AP3S1: variants seen among roughly 807,000 people sequenced by gnomAD.
AP3S1 encodes AP-3 complex subunit sigma-1.
In AP3S1, 12 loss-of-function variants were observed where a neutral mutation model predicts 21.3. The ratio of observed to expected loss-of-function variants is 0.56; its 90% confidence interval spans 0.36 to 0.91. The LOEUF (loss-of-function observed/expected upper bound fraction) is 0.91. Ranked by LOEUF, AP3S1 falls within the 40% of genes least tolerant of loss-of-function variation. AP3S1 has a pLI of 0.01. For synonymous variants in AP3S1, 48 were observed against 78.4 expected, an observed-to-expected ratio of 0.61 and a Z score of 2.05; for missense variants, 116 against 225.0, an observed-to-expected ratio of 0.52 and a Z score of 3.10.
chr5:115,880,352 C>G (rs1749166635), intron 3 of AP3S1, among the ~76,000 whole-genome samples: 1 of 152,124 alleles, frequency 6.6e-6, no homozygotes, highest in Non-Finnish European at 1.5e-5. Context: ...TATGAATTTC[C>G]ACTGAAACAC....
intron 3 of AP3S1, among the ~76,000 whole-genome samples, chr5:115,872,474 T>G (rs1041647860): frequency 1.3e-5 from 2 of 152,100 alleles, no homozygotes; most frequent in African/African-American, 2.4e-5. Context: ...TTCTTCTTTG[T>G]TTTGAAGATT....
intron 2 of AP3S1, among the ~76,000 whole-genome samples, chr5:115,867,054 T>C (rs2112829667): frequency 6.6e-6 from 1 of 152,242 alleles, no homozygotes; most frequent in East Asian, 1.9e-4. Flanking sequence ...CTCTCAACCT[T>C]AGTCCTTCTA....
chr5:115,860,263 C>T (rs1763079062), intron 1 of AP3S1, among the ~76,000 whole-genome samples: 1 of 152,240 alleles, frequency 6.6e-6, no homozygotes, highest in Non-Finnish European at 1.5e-5. Context: ...ATGCAATTAG[C>T]TCCACCTATA....
chr5:115,893,177 A>T (rs185635460), intron 3 of AP3S1, among the ~76,000 whole-genome samples: 1 of 152,284 alleles, frequency 6.6e-6, no homozygotes, highest in Admixed American at 6.5e-5. Flanking sequence ...ACACCACAGT[A>T]ACTCCCATAC....
At chr5:115,903,210 A>AT (rs1272609994) in intron 5 of AP3S1, 1 of 372,154 alleles carries the variant, frequency 2.7e-6, no homozygotes, top group African/African-American at 2.2e-5. Flanking sequence ...AGCCACAGTC[A>AT]TAGCTGCCTT....
chr5:115,891,270 G>A (rs1420741175), intron 3 of AP3S1, among the ~76,000 whole-genome samples: 1 of 152,136 alleles, frequency 6.6e-6, no homozygotes, highest in Non-Finnish European at 1.5e-5. Flanking sequence ...CAGTCACTCA[G>A]TACAATACAT....
At chr5:115,861,865 C>CTTT (rs113923492) in intron 1 of AP3S1, among the ~76,000 whole-genome samples, 2 of 110,618 alleles carry the variant, frequency 1.8e-5, no homozygotes, top group African/African-American at 3.6e-5. Context: ...CTTTTCTTTT[C>CTTT]TTTTTTTTTT....
chr5:115,866,736 G>A lies in AP3S1; in HGVS notation c.136G>A (p.Val46Ile). ...TTTGGTATCTAAGAGAGATGAAAAT[G>A]TTTGTAATTTCCTAGAAGGAGGATT... The part of the protein sequence containing the change: ...FHLVSKRDEN[V>I]CNFLEGGLLI... Residue 46 changes from valine to isoleucine, a missense_variant, in exon 2 of 6, where the codon GTT (valine) becomes ATT (isoleucine). Around this residue, in one of 3 missense-constraint regions of AP3S1, gnomAD observed 50 missense variants for 55.5 expected, o/e 0.90. Coordinates refer to ENST00000316788, the MANE Select transcript of AP3S1 (RefSeq NM_001284.4). The A allele has an allele frequency of 1.2e-6, 2 of 1,603,460 alleles. No individual in the cohort carries two copies. The highest frequency in any genetic ancestry group is 8.5e-7 in the Non-Finnish European group (1 of 1,173,514).
Position 115,908,562 on chromosome 5 carries a change from A to T in AP3S1, c.454-4800A>T, listed in dbSNP as rs568239945. The stretch of plus-strand genomic sequence containing the variant: ...TAGTAATGATAAATCCATGAAAGTC[A>T]TTAGTCTGCTCTCTTTTTTTCATGC... On this transcript the variant is annotated intron_variant, in intron 5 of 5. Coordinates refer to ENST00000316788, the MANE Select transcript of AP3S1 (RefSeq NM_001284.4). Among the ~76,000 whole-genome samples the T allele has an allele frequency of 2.2e-4, 33 of 152,234 alleles. No individual in the cohort carries two copies. The East Asian group carries it at 6.2e-3, about 29-fold the overall frequency.
chr5:115,848,255 G>C (rs985272897), intron 1 of AP3S1, among the ~76,000 whole-genome samples: 1 of 152,150 alleles, frequency 6.6e-6, no homozygotes, highest in Non-Finnish European at 1.5e-5. Context: ...ACCACACACA[G>C]ATAATTATTA....
rs370092678 is a variant in AP3S1 at position 115,842,085 on chromosome 5, C to A, written c.48C>A (p.Leu16=). The A allele has an allele frequency of 1.5e-4, 235 of 1,580,256 alleles. No individual in the cohort carries two copies. The highest frequency in any genetic ancestry group is 3.4e-4 in the Admixed American group (19 of 55,502). Residue 16 remains leucine, a synonymous_variant, in exon 1 of 6, where the codon CTC becomes CTA. Transcript: ENST00000316788. ...TCAACAACCACGGGAAGCCGCGGCT[C>A]TCCAAGTTCTACCAGCCCTACGTGA... ...LIFNNHGKPR[L]SKFYQPYSED...
chr5:115,852,982 A>G (rs1383334734), intron 1 of AP3S1: 1 of 454,766 alleles, frequency 2.2e-6, no homozygotes, highest in East Asian at 7.0e-5. Flanking sequence ...TCTCTAGGGT[A>G]TATAACTGGG....
chr5:115,879,526 C>G (rs901698625), intron 3 of AP3S1, among the ~76,000 whole-genome samples: 4 of 152,216 alleles, frequency 2.6e-5, no homozygotes, highest in Middle Eastern at 3.4e-3. Context: ...GTTAAACCAG[C>G]CTTGCATCCC....
intron 3 of AP3S1, among the ~76,000 whole-genome samples, chr5:115,876,766 A>G (rs1748751142): frequency 6.6e-6 from 1 of 151,982 alleles, no homozygotes; most frequent in Non-Finnish European, 1.5e-5. Context: ...AGTTATTTTG[A>G]TATTCCCCAA....
At chr5:115,855,741 A>G (rs992006008) in intron 1 of AP3S1, among the ~76,000 whole-genome samples, 1 of 152,246 alleles carries the variant, frequency 6.6e-6, no homozygotes, top group African/African-American at 2.4e-5. Context: ...CTTGTATTAG[A>G]TCATAAGCTG....
chr5:115,884,749 G>T lies in AP3S1; in HGVS notation c.274-10338G>T, dbSNP rs372238461. Among the ~76,000 whole-genome samples, 33 of 152,188 alleles carry T rather than the reference G, an allele frequency of 2.2e-4. 1 individual carries two copies. In the East Asian group the frequency reaches 2.9e-3, roughly 13 times the overall value. ...TAACATGAAAATATTAATATTATAG[G>T]TTCACATCATAATTTCTGTTACTTT... On this transcript the variant is annotated intron_variant, in intron 3 of 5. Coordinates refer to ENST00000316788, the MANE Select transcript of AP3S1 (RefSeq NM_001284.4).
chr5:115,884,078 C>T (rs1749550570), intron 3 of AP3S1, among the ~76,000 whole-genome samples: 1 of 152,066 alleles, frequency 6.6e-6, no homozygotes, highest in Non-Finnish European at 1.5e-5. Flanking sequence ...TTATAGAAAC[C>T]ATGTTTATCA....
At chr5:115,893,653 G>A (rs572262690) in intron 3 of AP3S1, among the ~76,000 whole-genome samples, 3 of 152,178 alleles carry the variant, frequency 2.0e-5, no homozygotes, top group Non-Finnish European at 2.9e-5. Flanking sequence ...TTGTAGAAAC[G>A]TGCCCTACAT....
At chr5:115,908,351 CT>C (rs1751827906) in intron 5 of AP3S1, among the ~76,000 whole-genome samples, 1 of 151,926 alleles carries the variant, frequency 6.6e-6, no homozygotes, top group South Asian at 2.1e-4. Flanking sequence ...GTTAATTGGC[CT>C]TTTTTAAAAA....
Sources: allele counts gnomAD v4.1 joint callset (sites outside exome capture counted in the v4.1 genomes callset), GRCh38; gene constraint gnomAD v4.1.1; regional missense constraint gnomAD v4.1.1; transcripts MANE v1.5; gene names NCBI Gene and HGNC (gene_info 2026-07-23, HGNC 2026-07-21).